Variants in IL7 observed in about 807,000 individuals in gnomAD.
IL7 encodes the protein interleukin-7.
In IL7, 3 loss-of-function variants were observed where a neutral mutation model predicts 21.6. The observed-to-expected ratio is 0.14, with a 90% CI of 0.06 to 0.36. The LOEUF (loss-of-function observed/expected upper bound fraction) is 0.36, where lower values mean the gene tolerates loss of function less well. Among genes scored for constraint, IL7 ranks in the 10% least tolerant of loss-of-function variants. IL7 has a pLI of 1.00. For synonymous variants in IL7, 62 were observed against 68.1 expected (o/e 0.91, Z 0.44); for missense variants, 175 against 200.2 (o/e 0.87, Z 0.76).
downstream of IL7, among the ~76,000 whole-genome samples, chr8:78,714,191 G>A (rs1408500504): frequency 2.0e-5 from 3 of 152,220 alleles, no homozygotes; most frequent in East Asian, 5.8e-4. Flanking sequence ...CTAAATCCTA[G>A]CTTTGGAACA....
intron 2 of IL7, among the ~76,000 whole-genome samples, chr8:78,748,839 A>G (rs1316307317): frequency 6.6e-6 from 1 of 152,114 alleles, no homozygotes; most frequent in Admixed American, 6.5e-5. Flanking sequence ...TTATCTACAT[A>G]AAGAAAACAG....
At chr8:78,751,005 A>G (rs1420487207) in intron 2 of IL7, among the ~76,000 whole-genome samples, 1 of 151,944 alleles carries the variant, frequency 6.6e-6, no homozygotes, top group South Asian at 2.1e-4. Flanking sequence ...TGATGGGCTC[A>G]TTAGTAGACT....
intron 3 of IL7, among the ~76,000 whole-genome samples, chr8:78,695,664 A>G (rs530410306): frequency 1.3e-5 from 2 of 152,198 alleles, no homozygotes; most frequent in East Asian, 1.9e-4. Context: ...CTCTATATAT[A>G]TATAGTGGCC....
At chr8:78,675,522 A>T (rs1275894637), downstream of IL7, among the ~76,000 whole-genome samples, 1 of 151,994 alleles carries the variant, frequency 6.6e-6, no homozygotes, top group East Asian at 1.9e-4. Flanking sequence ...GCTTAAAATA[A>T]TTACAAGAAA....
chr8:78,803,665 A>C (rs1814172884), intron 1 of IL7, among the ~76,000 whole-genome samples: 1 of 152,186 alleles, frequency 6.6e-6, no homozygotes, highest in African/African-American at 2.4e-5. Context: ...TTTAGAGCAG[A>C]GGTGTTGCAA....
chr8:78,716,223 C>T (rs1274596776), downstream of IL7, among the ~76,000 whole-genome samples: 3 of 151,176 alleles, frequency 2.0e-5, no homozygotes, highest in Non-Finnish European at 4.4e-5. Context: ...CCCAGGTTCA[C>T]GCCATTCTCC....
intron 2 of IL7, among the ~76,000 whole-genome samples, chr8:78,773,355 G>T (rs1162497067): frequency 6.6e-6 from 1 of 152,136 alleles, no homozygotes; most frequent in Non-Finnish European, 1.5e-5. Flanking sequence ...GCCAGAAATG[G>T]ACTTTTTTCT....
At chr8:78,725,546 G>T (rs1811325518) in intron 3 of IL7, among the ~76,000 whole-genome samples, 1 of 151,962 alleles carries the variant, frequency 6.6e-6, no homozygotes. Flanking sequence ...ACTCGGATCT[G>T]CTGTTTGCAC....
chr8:78,804,566 G>A (rs1814238140), intron 1 of IL7, among the ~76,000 whole-genome samples: 1 of 152,234 alleles, frequency 6.6e-6, no homozygotes, highest in African/African-American at 2.4e-5. Flanking sequence ...AGCACGGGAA[G>A]GGCGCCAGAC....
In IL7 at chr8:78,797,096, CA is replaced by C. The variant is rs201185539; in HGVS notation, c.147+975del. Among the ~76,000 whole-genome samples, 502 of 151,936 alleles carry C rather than the reference CA, an allele frequency of 3.3e-3. 4 individuals are homozygous for C. Among genetic ancestry groups the C allele is most frequent in the African/African-American group, 0.011 (436 of 41,494 alleles). On this transcript the variant is annotated intron_variant, in intron 2 of 5. Transcript: ENST00000263851. ...TAAGAAAAAATGAAATATCAAACCA[CA>C]AAAAATCATGGGGGATGCTTTGATT...
At chr8:78,725,650 A>G (rs1811326902) in intron 3 of IL7, among the ~76,000 whole-genome samples, 1 of 152,060 alleles carries the variant, frequency 6.6e-6, no homozygotes, top group Non-Finnish European at 1.5e-5. Context: ...CATATTTTAC[A>G]GGAAAGAATA....
intron 1 of IL7, 55 bp from the exon 2 acceptor site, chr8:78,798,263 T>A: frequency 7.5e-7 from 1 of 1,331,842 alleles, no homozygotes; most frequent in South Asian, 1.4e-5. Flanking sequence ...TTGCATTTGA[T>A]TGTGGGGTTT....
At chr8:78,761,508 C>A in intron 2 of IL7, 1 of 1,611,748 alleles carries the variant, frequency 6.2e-7, no homozygotes, top group Non-Finnish European at 8.5e-7. Flanking sequence ...AATTTCACAG[C>A]CAAAATTTCT....
chr8:78,683,371 G>A (rs1255168836), intron 4 of IL7, among the ~76,000 whole-genome samples: 1 of 152,190 alleles, frequency 6.6e-6, no homozygotes, highest in Non-Finnish European at 1.5e-5. Flanking sequence ...CTAGTCAGAG[G>A]CTCCCAAACC....
chr8:78,768,633 G>C (rs1336693464), intron 2 of IL7, among the ~76,000 whole-genome samples: 1 of 151,342 alleles, frequency 6.6e-6, no homozygotes, highest in East Asian at 1.9e-4. Flanking sequence ...TTTTTTTCTT[G>C]TAAATTTGTT....
At chr8:78,703,064 T>G (rs1810659038) in intron 3 of IL7, among the ~76,000 whole-genome samples, 1 of 151,974 alleles carries the variant, frequency 6.6e-6, no homozygotes, top group South Asian at 2.1e-4. Flanking sequence ...ACCTGGCTAA[T>G]TTTTGTATTT....
Position 78,736,495 on chromosome 8 carries a change from T to G in IL7, c.393A>C (p.Glu131Asp). The part of the protein sequence containing the change: ...VKGRKPAALG[E>D]AQPTKSLEEN... ...TCACCAAACTCTTTGTTGGTTGGGC[T>G]TCACCCAGGGCAGCTGGTTTTCTTC... The change falls in exon 5 of 6, where the codon GAA (glutamate) becomes GAC (aspartate). Residue 131 changes from glutamate to aspartate, a missense_variant. Physicochemically the swap from Glu to Asp is conservative, Grantham distance 45. Coordinates refer to ENST00000263851, the MANE Select transcript of IL7 (RefSeq NM_000880.4). The G allele has an allele frequency of 6.2e-7, 1 of 1,604,078 alleles. No individual in the cohort carries two copies. Among genetic ancestry groups the G allele is most frequent in the Non-Finnish European group, 8.5e-7 (1 of 1,173,406 alleles).
intron 1 of IL7, among the ~76,000 whole-genome samples, chr8:78,802,422 A>G (rs1447871540): frequency 6.7e-6 from 1 of 149,422 alleles, no homozygotes; most frequent in African/African-American, 2.5e-5. Context: ...TTCCTTTCGT[A>G]TTTTTCTCTC....
chr8:78,697,628 G>T, intron 3 of IL7: 4 of 623,874 alleles, frequency 6.4e-6, no homozygotes, highest in South Asian at 2.2e-5. Flanking sequence ...AGATGTAGAA[G>T]TTAAGTAATT....
Sources: gnomAD v4.1 joint callset for allele counts (sites outside exome capture counted in the v4.1 genomes callset) on GRCh38, gnomAD v4.1.1 for gene constraint, MANE v1.5 for transcripts, NCBI Gene and HGNC (gene_info 2026-07-23, HGNC 2026-07-21) for gene names.